The following KDM4C variants were observed in gnomAD, a reference collection of about 807,000 sequenced individuals.
KDM4C encodes lysine demethylase 4C, also known as lysine-specific demethylase 4C.
In KDM4C, 81 loss-of-function variants were observed where a neutral mutation model predicts 129.3. That is an observed-to-expected ratio of 0.63 (90% confidence interval 0.52 to 0.75). KDM4C has a LOEUF of 0.75. Among genes scored for constraint, KDM4C ranks in the 30% least tolerant of loss-of-function variants. KDM4C has a pLI of 0.00. For synonymous variants in KDM4C, 573 were observed against 456.1 expected (o/e 1.26, Z -3.26); for missense variants, 1,457 against 1,304.0 (o/e 1.12, Z -1.81).
At chr9:7,100,955 A>G (rs1200321858) in intron 17 of KDM4C, among the ~76,000 whole-genome samples, 2 of 151,990 alleles carry the variant, frequency 1.3e-5, no homozygotes, top group African/African-American at 2.4e-5. Flanking sequence ...CCTGTTTCCC[A>G]TGGTCTAGGA....
intron 15 of KDM4C, among the ~76,000 whole-genome samples, chr9:7,041,420 C>G (rs931470172): frequency 6.6e-6 from 1 of 151,994 alleles, no homozygotes; most frequent in African/African-American, 2.4e-5. Context: ...TACTGAGGGT[C>G]GACTGTACTT....
chr9:7,138,276 T>C lies in KDM4C; in HGVS notation c.2781+10040T>C, dbSNP rs984271528. 2.6e-5 allele frequency among the ~76,000 whole-genome samples: 4 copies of C among 152,324 alleles called. No homozygotes were observed. The East Asian group carries it at 5.8e-4, about 22-fold the overall frequency. Reference sequence around the variant, plus strand: ...AATGCTTGTTGGTTGTGTGTGTTTCTGCAAATCAATTTCCCTCTATCATCT... The same window carrying C: ...AATGCTTGTTGGTTGTGTGTGTTTCCGCAAATCAATTTCCCTCTATCATCT... On this transcript the variant is annotated intron_variant, in intron 19 of 21. Coordinates refer to ENST00000381309, the MANE Select transcript of KDM4C (RefSeq NM_015061.6).
At chr9:6,907,829 G>T (rs944215066) in intron 8 of KDM4C, among the ~76,000 whole-genome samples, 5 of 152,092 alleles carry the variant, frequency 3.3e-5, no homozygotes, top group Non-Finnish European at 7.4e-5. Context: ...ATTGGCTTTG[G>T]CTATGTATTT....
rs562873522 is a variant in KDM4C, at chr9:6,787,821, A to G, written c.-17-5151A>G. On this transcript the variant is annotated intron_variant, in intron 1 of 21. Coordinates refer to ENST00000381309, the MANE Select transcript of KDM4C (RefSeq NM_015061.6). ...AGATGGTCCAGAAAAGTTTCTTTAG[A>G]GACAGCCATTATCTCCTTAAAGGGG... 3.3e-5 allele frequency among the ~76,000 whole-genome samples: 5 copies of G among 152,330 alleles called. No individual in the cohort carries two copies. In the East Asian group the frequency reaches 5.8e-4, roughly 18 times the overall value.
rs115907008 is a variant in KDM4C at position 6,725,155 on chromosome 9, A to G, written c.49+4158A>G. ...TTTTTGTTTTAAAAAATCTAATGTGATCCCCTTATCCTTGAGGGAGATCGA... is the reference window on the plus strand; with the variant it reads ...TTTTTGTTTTAAAAAATCTAATGTGGTCCCCTTATCCTTGAGGGAGATCGA... On this transcript the variant is annotated intron_variant, in intron 1 of 17. Coordinates refer to the KDM4C transcript ENST00000536108. Among the ~76,000 whole-genome samples the G allele has an allele frequency of 1.7e-3, 260 of 152,132 alleles. 1 individual carries two copies. Among genetic ancestry groups the G allele is most frequent in the African/African-American group, 6.0e-3 (250 of 41,502 alleles).
intron 18 of KDM4C, 141 bp from the exon 19 acceptor site, chr9:7,127,924 TC>T (rs1395959643): frequency 9.3e-6 from 6 of 647,796 alleles, no homozygotes; most frequent in Non-Finnish European, 1.4e-5. Context: ...TTGAAATTAT[TC>T]TTCAATATTA....
At chr9:6,756,482 C>T (rs1818290118), upstream of KDM4C, among the ~76,000 whole-genome samples, 1 of 152,122 alleles carries the variant, frequency 6.6e-6, no homozygotes, top group South Asian at 2.1e-4. Context: ...TTTGGGAGGC[C>T]GAGGCGGGCG....
intron 5 of KDM4C, among the ~76,000 whole-genome samples, chr9:6,870,477 A>G (rs1419906062): frequency 6.6e-6 from 1 of 152,022 alleles, no homozygotes; most frequent in Non-Finnish European, 1.5e-5. Context: ...TGGCTTCCTC[A>G]TTAGTTAAAT....
intron 4 of KDM4C, among the ~76,000 whole-genome samples, chr9:6,847,886 C>T (rs1431574547): frequency 6.6e-6 from 1 of 152,114 alleles, no homozygotes; most frequent in African/African-American, 2.4e-5. Context: ...AAGCTTTAGA[C>T]AGTAAGATTA....
intron 19 of KDM4C, among the ~76,000 whole-genome samples, chr9:7,134,760 A>G (rs1286472075): frequency 6.6e-6 from 1 of 152,226 alleles, no homozygotes; most frequent in Non-Finnish European, 1.5e-5. Context: ...CTAAGAAGAA[A>G]TAATCATAGA....
intron 12 of KDM4C, among the ~76,000 whole-genome samples, chr9:7,003,032 T>C (rs1229642269): frequency 6.6e-6 from 1 of 152,122 alleles, no homozygotes; most frequent in Non-Finnish European, 1.5e-5. Context: ...GGCTAATGTT[T>C]GTATTGTATT....
chr9:6,864,132 T>G (rs930989811), intron 5 of KDM4C, among the ~76,000 whole-genome samples: 1 of 152,236 alleles, frequency 6.6e-6, no homozygotes, highest in African/African-American at 2.4e-5. Flanking sequence ...GTGGGTTTTT[T>G]CCCCTCCCTG....
In KDM4C at chr9:6,813,232, G is replaced by A. The variant is rs939737475; in HGVS notation, c.321-1399G>A. On this transcript the variant is annotated intron_variant, in intron 3 of 21. Coordinates refer to ENST00000381309, the MANE Select transcript of KDM4C (RefSeq NM_015061.6). The stretch of plus-strand genomic sequence containing the variant: ...ATTTTTAATTCTTTAGAAAATAGAG[G>A]GTCTCACTACCTAGGCAGACCTTGA... Among the ~76,000 whole-genome samples the A allele has an allele frequency of 2.6e-5, 4 of 152,122 alleles. No individual in the cohort carries two copies. In the South Asian group the frequency reaches 8.3e-4, roughly 32 times the overall value.
At chr9:6,897,123 A>G (rs1404603111) in intron 8 of KDM4C, among the ~76,000 whole-genome samples, 2 of 152,164 alleles carry the variant, frequency 1.3e-5, no homozygotes, top group Non-Finnish European at 2.9e-5. Flanking sequence ...CTGTGCGTAA[A>G]TTCTCTGTTT....
At chr9:6,926,571 T>A (rs2131263381) in intron 8 of KDM4C, among the ~76,000 whole-genome samples, 1 of 152,300 alleles carries the variant, frequency 6.6e-6, no homozygotes, top group East Asian at 1.9e-4. Context: ...CTCTTTCTAG[T>A]CTTAACCTCA....
chr9:6,753,520 T>C (rs55857548), upstream of KDM4C, among the ~76,000 whole-genome samples: 1,131 of 152,322 alleles, frequency 7.4e-3, 13 homozygotes, highest in African/African-American at 0.026. Context: ...GTGATCCTCC[T>C]GCCTCAGCCT....
intron 1 of KDM4C, among the ~76,000 whole-genome samples, chr9:6,731,371 G>C (rs1817330169): frequency 7.9e-6 from 1 of 126,676 alleles, no homozygotes; most frequent in African/African-American, 3.0e-5. Flanking sequence ...TTGTTGCCCA[G>C]GCTGGAGTGC....
chr9:6,763,554 ACTT>A (rs552273782), intron 1 of KDM4C, among the ~76,000 whole-genome samples: 175 of 152,214 alleles, frequency 1.1e-3, no homozygotes, highest in Non-Finnish European at 2.1e-3. Context: ...GTAGTTAGTA[ACTT>A]CTGGGTGATG....
chr9:6,942,459 G>C (rs1030881383), intron 8 of KDM4C: 11 of 149,030 alleles, frequency 7.4e-5, no homozygotes, highest in Non-Finnish European at 8.9e-5. Flanking sequence ...TTTCTTTCCA[G>C]TACTGTGTTG....
Sources: allele counts gnomAD v4.1 joint callset (sites outside exome capture counted in the v4.1 genomes callset), GRCh38; gene constraint gnomAD v4.1.1; transcripts MANE v1.5; gene names NCBI Gene and HGNC (gene_info 2026-07-23, HGNC 2026-07-21).